The following SF3A1 variants were observed in gnomAD, a reference collection of about 807,000 sequenced individuals.
SF3A1 encodes the protein SAP 114.
SF3A1 carries 13 observed loss-of-function variants against 89.9 expected under a neutral mutation model. The observed-to-expected ratio is 0.14, with a 90% CI of 0.09 to 0.23. The LOEUF (loss-of-function observed/expected upper bound fraction) is 0.23, where lower values mean the gene tolerates loss of function less well. Ranked by LOEUF, SF3A1 falls within the 10% of genes least tolerant of loss-of-function variation. SF3A1 has a pLI of 1.00. For missense variants in SF3A1, 604 were observed against 1,022.1 expected (o/e 0.59, Z 5.58); for synonymous variants, 405 against 374.4 (o/e 1.08, Z -0.94).
chr22:30,341,587 C>CCTGGG, intron 7 of SF3A1, 105 bp downstream of exon 7: 1 of 639,822 alleles, frequency 1.6e-6, no homozygotes, highest in Non-Finnish European at 2.5e-6. Flanking sequence ...ACCCACGCCT[C>CCTGGG]CTTTCAAGGC....
At chr22:30,349,199 T>G (rs1375011592) in intron 2 of SF3A1, among the ~76,000 whole-genome samples, 1 of 152,220 alleles carries the variant, frequency 6.6e-6, no homozygotes, top group East Asian at 1.9e-4. Context: ...CCAGGAGAAG[T>G]GAAGCACAGA....
intron 1 of SF3A1, among the ~76,000 whole-genome samples, chr22:30,355,510 T>A (rs990702261): frequency 1.4e-4 from 21 of 152,254 alleles, no homozygotes; most frequent in Admixed American, 4.6e-4. Context: ...TCCACACGTC[T>A]GCCTACCTGA....
In SF3A1 at chr22:30,351,378, C is replaced by T. The variant is rs150303454; in HGVS notation, c.185+1573G>A. Reference sequence around the variant, plus strand: ...TTAGGTTGGGAAAGGAAGGACCATCCGTTAAATGATGCATACTGACTGAGA... The same window carrying T: ...TTAGGTTGGGAAAGGAAGGACCATCTGTTAAATGATGCATACTGACTGAGA... On this transcript the variant is annotated intron_variant, in intron 2 of 15. Coordinates refer to ENST00000215793, the MANE Select transcript of SF3A1 (RefSeq NM_005877.6). Among the ~76,000 whole-genome samples, 35 of 152,282 alleles carry T rather than the reference C, an allele frequency of 2.3e-4. No homozygotes were observed. The East Asian group carries it at 4.2e-3, about 18-fold the overall frequency.
Position 30,345,111 on chromosome 22 carries a change from GA to G in SF3A1, c.472del (p.Ser158LeufsTer10). On this transcript the variant is annotated frameshift_variant, in exon 4 of 16. Transcript: ENST00000215793. LOFTEE classifies it high-confidence loss of function. ...PEFEFIADPP[S>X]ISAFDLDVVK... ...CACATCCAAGTCGAAGGCTGAGATA[GA>G]GGGAGGATCAGCAATGAACTCAAAC... The G allele has an allele frequency of 6.2e-7, 1 of 1,614,246 alleles. No individual in the cohort carries two copies.
At chr22:30,345,252 A>G in intron 3 of SF3A1, 62 bp from the exon 4 acceptor site, 1 of 1,246,662 alleles carries the variant, frequency 8.0e-7, no homozygotes, top group Non-Finnish European at 1.1e-6. Context: ...AGGGGAGGGG[A>G]GGGGAGGGGA....
chr22:30,334,721 C>T, intron 15 of SF3A1, 26 bp from the exon 16 acceptor site: 4 of 1,542,810 alleles, frequency 2.6e-6, no homozygotes, highest in Non-Finnish European at 3.6e-6. Flanking sequence ...CGTGCCTTAG[C>T]ATGGGGCAAC....
Position 30,338,894 on chromosome 22 carries a change from G to A in SF3A1, c.1638C>T (p.Gly546=). 1 of 1,614,212 alleles carries A rather than the reference G, an allele frequency of 6.2e-7. No homozygotes were observed. Among genetic ancestry groups the A allele is most frequent in the Non-Finnish European group, 8.5e-7 (1 of 1,180,036 alleles). The change falls in exon 11 of 16, where the codon GGC becomes GGT. Residue 546 remains glycine (G), a synonymous_variant. Transcript: ENST00000215793. ...GAGGGATTTCATTGGGCTTGCTGGGGCCAATCTTCTCTTTAGTGTCATCCT... is the reference window on the plus strand; with the variant it reads ...GAGGGATTTCATTGGGCTTGCTGGGACCAATCTTCTCTTTAGTGTCATCCT... ...VPEDDTKEKI[G]PSKPNEIPQQ...
chr22:30,342,981 T>C (rs1210868222), intron 4 of SF3A1, 102 bp from the exon 5 acceptor site: 5 of 704,714 alleles, frequency 7.1e-6, no homozygotes, highest in Non-Finnish European at 1.2e-5. Flanking sequence ...TGAGGAAGCA[T>C]GGGATTCTGT....
chr22:30,336,602 C>T (rs907648844), intron 13 of SF3A1, among the ~76,000 whole-genome samples: 15 of 152,258 alleles, frequency 9.9e-5, no homozygotes, highest in Admixed American at 5.2e-4. Flanking sequence ...ATTCCAGGAC[C>T]CCAACAGGAT....
At chr22:30,354,266 C>T (rs1569176519) in intron 1 of SF3A1, among the ~76,000 whole-genome samples, 1 of 152,192 alleles carries the variant, frequency 6.6e-6, no homozygotes, top group Non-Finnish European at 1.5e-5. Flanking sequence ...ATCCTGAGTT[C>T]TCTTCAGTCT....
chr22:30,340,537 G>A lies in SF3A1; in HGVS notation c.1190-156C>T, dbSNP rs578031184. On this transcript the variant is annotated intron_variant, in intron 8 of 15. Coordinates refer to ENST00000215793, the MANE Select transcript of SF3A1 (RefSeq NM_005877.6). ...GGCACTAGGGCACCAGAGATGACTGGGCCCTGTTCCCACCATGAAACCTGT... is the reference window on the plus strand; with the variant it reads ...GGCACTAGGGCACCAGAGATGACTGAGCCCTGTTCCCACCATGAAACCTGT... The A allele has an allele frequency of 1.6e-4, 143 of 873,826 alleles. 1 individual carries two copies. The African/African-American group carries it at 2.0e-3, about 12-fold the overall frequency. The allele number at this position is 873,826 out of a possible 1,614,324, so 54.1% of individuals were successfully genotyped here.
chr22:30,337,846 G>A lies in SF3A1; in HGVS notation c.1795C>T (p.Arg599Trp). 1 of 1,608,796 alleles carries A rather than the reference G, an allele frequency of 6.2e-7. No homozygotes were observed. Among genetic ancestry groups the A allele is most frequent in the East Asian group, 2.2e-5 (1 of 44,712 alleles). The change falls in exon 12 of 16, where the codon CGG (arginine) becomes TGG (tryptophan). Residue 599 changes from arginine to tryptophan, a missense_variant. Coordinates refer to ENST00000215793, the MANE Select transcript of SF3A1 (RefSeq NM_005877.6). ...TVVSAVPVMP[R>W]PPMASVVRLP... ...CGGACCACAGATGCCATTGGGGGCC[G>A]GGGCATGACGGGTACTGCGGAGACA...
At chr22:30,341,090 G>A (rs977725590) in intron 7 of SF3A1, among the ~76,000 whole-genome samples, 3 of 151,272 alleles carry the variant, frequency 2.0e-5, no homozygotes, top group African/African-American at 4.9e-5. Flanking sequence ...TTAACATGCC[G>A]GGGGGGGACA....
At chr22:30,340,604 A>C in intron 8 of SF3A1, 91 bp downstream of exon 8, 1 of 903,646 alleles carries the variant, frequency 1.1e-6, no homozygotes, top group Non-Finnish European at 1.8e-6. Context: ...GCTGCACCTC[A>C]AGCCCTCCTA....
chr22:30,352,208 G>C (rs191355007), intron 2 of SF3A1, among the ~76,000 whole-genome samples: 22 of 152,202 alleles, frequency 1.4e-4, no homozygotes, highest in Admixed American at 2.6e-4. Flanking sequence ...ACAGGACTGT[G>C]GGGAGAGACA....
chr22:30,344,167 C>T (rs1931348018), intron 4 of SF3A1, among the ~76,000 whole-genome samples: 1 of 150,602 alleles, frequency 6.6e-6, no homozygotes, highest in African/African-American at 2.4e-5. Flanking sequence ...AATGCCAGAG[C>T]TCAAGCCCCA....
At chr22:30,355,719 G>A (rs1218634074) in intron 1 of SF3A1, among the ~76,000 whole-genome samples, 2 of 151,930 alleles carry the variant, frequency 1.3e-5, no homozygotes, top group African/African-American at 4.8e-5. Context: ...CATATTATCT[G>A]GCTATTACCT....
At chr22:30,350,322 T>A (rs5753087) in intron 2 of SF3A1, among the ~76,000 whole-genome samples, 20,738 of 133,856 alleles carry the variant, frequency 0.15, 2,114 homozygotes, top group Middle Eastern at 0.23. Context: ...ATAAAAAAAA[T>A]AAAAAAAAAA....
chr22:30,341,302 G>C (rs529683412), intron 7 of SF3A1, among the ~76,000 whole-genome samples: 14 of 152,302 alleles, frequency 9.2e-5, no homozygotes, highest in African/African-American at 2.2e-4. Flanking sequence ...TGGCTTGAAG[G>C]GGGTAGGGAT....
Sources: allele counts gnomAD v4.1 joint callset (sites outside exome capture counted in the v4.1 genomes callset), GRCh38; gene constraint gnomAD v4.1.1; transcripts MANE v1.5; gene names NCBI Gene and HGNC (gene_info 2026-07-23, HGNC 2026-07-21).